ABCB4: variants seen among roughly 807,000 people sequenced by gnomAD.
The protein encoded by ABCB4 is phosphatidylcholine translocator ABCB4.
A neutral mutation model predicts 145.7 loss-of-function variants in ABCB4; 76 were observed. The observed-to-expected ratio is 0.52, with a 90% CI of 0.43 to 0.63. ABCB4 has a LOEUF of 0.63. Among genes scored for constraint, ABCB4 ranks in the 30% least tolerant of loss-of-function variants. ABCB4 has a pLI of 0.00. For missense variants in ABCB4, 1,234 were observed against 1,553.1 expected (o/e 0.79, Z 3.45); for synonymous variants, 517 against 566.8 (o/e 0.91, Z 1.25).
the ABCB4 span, among the ~76,000 whole-genome samples, chr7:87,387,043 C>T: frequency 7.2e-5 from 11 of 151,892 alleles, 1 homozygote; most frequent in Middle Eastern, 0.01. Context: ...AGCTTGAGGG[C>T]GGGGTGTTGT....
At chr7:87,467,533 C>G (rs1244322500) in intron 3 of ABCB4, among the ~76,000 whole-genome samples, 1 of 152,174 alleles carries the variant, frequency 6.6e-6, no homozygotes, top group Admixed American at 6.5e-5. Flanking sequence ...CTCAGCTCTG[C>G]ACCAAGTGGA....
intron 3 of ABCB4, among the ~76,000 whole-genome samples, chr7:87,471,063 T>C (rs1000226693): frequency 1.4e-4 from 22 of 152,146 alleles, no homozygotes; most frequent in Non-Finnish European, 2.1e-4. Context: ...TTCATGTCCT[T>C]TGTAGGGACA....
intron 15 of ABCB4, among the ~76,000 whole-genome samples, chr7:87,430,393 A>G (rs1810131824): frequency 1.3e-5 from 2 of 152,196 alleles, no homozygotes; most frequent in Admixed American, 1.3e-4. Flanking sequence ...CGTTCATAGA[A>G]TAAAATATTC....
At chr7:87,427,811 A>G (rs1809943922) in intron 15 of ABCB4, among the ~76,000 whole-genome samples, 1 of 151,988 alleles carries the variant, frequency 6.6e-6, no homozygotes, top group Non-Finnish European at 1.5e-5. Flanking sequence ...GTGCTTATAT[A>G]TTGCCTTGAA....
Position 87,427,007 on chromosome 7 carries a change from T to G in ABCB4, c.1894-87A>C. The G allele has an allele frequency of 4.7e-6, 6 of 1,283,682 alleles. No homozygotes were observed. The Admixed American group carries it at 5.5e-5, about 12-fold the overall frequency. The allele number at this position is 1,283,682 out of a possible 1,614,324, so 79.5% of individuals were successfully genotyped here. ...TCCAAATGGATGTAACCTCCAAGTT[T>G]AGAATCATAAAGCAATTTGGAATAT... On this transcript the variant is annotated intron_variant, in intron 15 of 27. Coordinates refer to ENST00000649586, the MANE Select transcript of ABCB4 (RefSeq NM_000443.4).
Position 87,406,333 on chromosome 7 carries a change from T to C in ABCB4, c.3441A>G (p.Ala1147=), listed in dbSNP as rs1351191339. The change falls in exon 26 of 28, where the codon GCA becomes GCG. Residue 1147 remains alanine (A), a synonymous_variant. Transcript: ENST00000649586. Reference sequence around the variant, plus strand: ...AAGGATGTATGTTGGCAGCTTTGGCTGCACTCACAATTTCATCCTGTGATA... The same window carrying C: ...AAGGATGTATGTTGGCAGCTTTGGCCGCACTCACAATTTCATCCTGTGATA... The part of the protein sequence containing the change: ...RVVSQDEIVS[A]AKAANIHPFI... 2.5e-6 allele frequency: 4 copies of C among 1,614,040 alleles called. No homozygotes were observed. In the African/African-American group the frequency reaches 4.0e-5, roughly 16 times the overall value.
chr7:87,452,285 A>G (rs1811787025), intron 6 of ABCB4: 1 of 194,526 alleles, frequency 5.1e-6, no homozygotes, highest in Admixed American at 5.4e-5. Flanking sequence ...TCCTCAGCTC[A>G]GAAACTTCCA....
At chr7:87,371,749 G>A in the ABCB4 span, among the ~76,000 whole-genome samples, 3 of 152,054 alleles carry the variant, frequency 2.0e-5, no homozygotes, top group Non-Finnish European at 4.4e-5. Context: ...GCAACATTTT[G>A]GGAGGCTGAG....
chr7:87,379,356 A>T, the ABCB4 span, among the ~76,000 whole-genome samples: 1 of 152,138 alleles, frequency 6.6e-6, no homozygotes, highest in South Asian at 2.1e-4. Context: ...TTTACCTATT[A>T]TTCTCATTTG....
At chr7:87,398,514 T>A, downstream of ABCB4, 3 of 1,613,300 alleles carry the variant, frequency 1.9e-6, no homozygotes, top group South Asian at 2.2e-5. Context: ...TCATTATTTA[T>A]GCTTCACAGG....
At chr7:87,430,865 G>T (rs1213500769) in intron 15 of ABCB4, among the ~76,000 whole-genome samples, 3 of 152,116 alleles carry the variant, frequency 2.0e-5, no homozygotes, top group East Asian at 3.9e-4. Context: ...TCACTTCCTA[G>T]AGCCACAAAT....
intron 22 of ABCB4, among the ~76,000 whole-genome samples, chr7:87,413,245 AAGT>A (rs1323423295): frequency 1.3e-5 from 2 of 152,186 alleles, no homozygotes; most frequent in East Asian, 3.8e-4. Context: ...ACCCAATAGC[AAGT>A]CTCACTTTTG....
At chr7:87,391,110 C>T in the ABCB4 span, among the ~76,000 whole-genome samples, 13 of 152,242 alleles carry the variant, frequency 8.5e-5, no homozygotes, top group Admixed American at 5.2e-4. Flanking sequence ...GAGGGTCACC[C>T]TCAGTTTTCT....
In ABCB4 at chr7:87,444,994, G is replaced by A. The variant is rs1297182649; in HGVS notation, c.1006-19C>T. The A allele has an allele frequency of 1.3e-6, 2 of 1,533,740 alleles. No homozygotes were observed. Among genetic ancestry groups the A allele is most frequent in the Non-Finnish European group, 1.8e-6 (2 of 1,122,062 alleles). On this transcript the variant is annotated intron_variant, in intron 9 of 27. Coordinates refer to ENST00000649586, the MANE Select transcript of ABCB4 (RefSeq NM_000443.4). The stretch of plus-strand genomic sequence containing the variant: ...AAAAAACCTGAGCAAAATAACATGA[G>A]GAAAAGTTTAAGTCACATTCTGGCA...
At chr7:87,439,597 C>G in intron 14 of ABCB4, 70 bp downstream of exon 14, 3 of 1,569,528 alleles carry the variant, frequency 1.9e-6, no homozygotes, top group Non-Finnish European at 2.6e-6. Context: ...GCCCAGACTC[C>G]GGAAGCACTG....
intron 12 of ABCB4, among the ~76,000 whole-genome samples, chr7:87,440,847 TCTC>T (rs1810934357): frequency 6.6e-6 from 1 of 152,050 alleles, no homozygotes; most frequent in Non-Finnish European, 1.5e-5. Context: ...TTCACACTGT[TCTC>T]CTGCCTCAGC....
At chr7:87,424,816 T>C (rs1156776494) in intron 16 of ABCB4, among the ~76,000 whole-genome samples, 2 of 152,116 alleles carry the variant, frequency 1.3e-5, no homozygotes, top group Non-Finnish European at 2.9e-5. Context: ...TCTCAGCAAA[T>C]GTTTAATTAA....
chr7:87,369,527 T>C, the ABCB4 span: 1 of 1,233,634 alleles, frequency 8.1e-7, no homozygotes, highest in Non-Finnish European at 1.1e-6. Flanking sequence ...TCTTATGGTG[T>C]TGCTTGAATT....
In ABCB4 at chr7:87,418,522, G is replaced by A; in HGVS notation, c.2478+15C>T. The A allele has an allele frequency of 3.1e-6, 5 of 1,611,358 alleles. No homozygotes were observed. The highest frequency in any genetic ancestry group is 2.2e-5 in the East Asian group (1 of 44,868). Reference sequence around the variant, plus strand: ...TGTTATGTAAAAAACTACAAGTAGAGTGCAGTCTACCTACTCCTTGGACTT... The same window carrying A: ...TGTTATGTAAAAAACTACAAGTAGAATGCAGTCTACCTACTCCTTGGACTT... On this transcript the variant is annotated intron_variant, in intron 20 of 27. Transcript: ENST00000649586.
Sources: gnomAD v4.1 joint callset for allele counts (sites outside exome capture counted in the v4.1 genomes callset) on GRCh38, gnomAD v4.1.1 for gene constraint, MANE v1.5 for transcripts, NCBI Gene and HGNC (gene_info 2026-07-23, HGNC 2026-07-21) for gene names.